MAL2: variants seen among roughly 807,000 people sequenced by gnomAD.
MAL2 encodes the protein mal, T cell differentiation protein 2.
A neutral mutation model predicts 18.1 loss-of-function variants in MAL2; 17 were observed. That is an observed-to-expected ratio of 0.94 (90% CI 0.64 to 1.41). MAL2 has a LOEUF of 1.41. MAL2 is among the 40% of genes most tolerant of loss of function. MAL2 has a pLI of 0.00. For synonymous variants in MAL2, 102 were observed against 102.3 expected (o/e 1.00, Z 0.02); for missense variants, 222 against 231.9 (o/e 0.96, Z 0.28).
intron 1 of MAL2, among the ~76,000 whole-genome samples, chr8:119,214,048 T>C (rs1817306397): frequency 6.6e-6 from 1 of 152,178 alleles, no homozygotes; most frequent in Non-Finnish European, 1.5e-5. Context: ...TAGAGCCTGA[T>C]AGAAATGTTG....
At chr8:119,219,317 A>T (rs1004962876) in intron 1 of MAL2, among the ~76,000 whole-genome samples, 1 of 152,176 alleles carries the variant, frequency 6.6e-6, no homozygotes, top group Non-Finnish European at 1.5e-5. Flanking sequence ...AAATTATATG[A>T]TTGGGCCTTT....
At chr8:119,222,570 A>G (rs563536083) in intron 2 of MAL2, among the ~76,000 whole-genome samples, 7 of 151,812 alleles carry the variant, frequency 4.6e-5, no homozygotes, top group Non-Finnish European at 7.4e-5. Context: ...GCTCATGCCT[A>G]TAGTCCCAGG....
chr8:119,211,493 G>T lies in MAL2; in HGVS notation c.132+2889G>T, dbSNP rs574221242. On this transcript the variant is annotated intron_variant, in intron 1 of 3. Coordinates refer to ENST00000614891, the MANE Select transcript of MAL2 (RefSeq NM_052886.3). ...ATTGACACCATGCTCTTGGAGTTTG[G>T]TTCTCACACTAACCATTTAACTTGG... 1.4e-4 allele frequency among the ~76,000 whole-genome samples: 21 copies of T among 152,208 alleles called. No individual in the cohort carries two copies. In the East Asian group the frequency reaches 4.1e-3, roughly 29 times the overall value.
chr8:119,228,192 G>T (rs1304876001), intron 2 of MAL2, among the ~76,000 whole-genome samples: 1 of 152,066 alleles, frequency 6.6e-6, no homozygotes, highest in Non-Finnish European at 1.5e-5. Flanking sequence ...TGTCAAGATG[G>T]TAACTCCTCT....
In MAL2 at chr8:119,208,705, C is replaced by T. The variant is rs767447983; in HGVS notation, c.132+101C>T. 5.7e-5 allele frequency: 69 copies of T among 1,211,614 alleles called. No individual in the cohort carries two copies. Among genetic ancestry groups the T allele is most frequent in the Non-Finnish European group, 6.8e-5 (66 of 974,140 alleles). The allele number at this position is 1,211,614 out of a possible 1,614,324, so 75.1% of individuals were successfully genotyped here. ...TTCCTCTGCGTCCGCCCCCGGCCTC[C>T]TTCCCTTCGACGTGGCTTTGTCCTG... On this transcript the variant is annotated intron_variant, in intron 1 of 3. Coordinates refer to ENST00000614891, the MANE Select transcript of MAL2 (RefSeq NM_052886.3). The surrounding 1 kb of genome is among the most constrained non-coding windows in gnomAD (Gnocchi z 4.3).
At chr8:119,209,944 G>A (rs898739036) in intron 1 of MAL2, among the ~76,000 whole-genome samples, 2 of 152,028 alleles carry the variant, frequency 1.3e-5, no homozygotes, top group African/African-American at 4.8e-5. Context: ...CCTTGCTGTG[G>A]GAGGGAGACA....
At position 119,208,678 on chromosome 8, in the gene MAL2, T is replaced by C. The variant is rs867858762; in HGVS notation, c.132+74T>C. ...GGCGGCATCCTTGTCCCCCGGGCTG[T>C]CTTCCTCTGCGTCCGCCCCCGGCCT... On this transcript the variant is annotated intron_variant, in intron 1 of 3. Coordinates refer to ENST00000614891, the MANE Select transcript of MAL2 (RefSeq NM_052886.3). This position sits in a 1 kb window ranked among gnomAD's most constrained non-coding sequence, Gnocchi z 4.3. The C allele has an allele frequency of 1.8e-4, 222 of 1,226,286 alleles. No individual in the cohort carries two copies. In the Middle Eastern group the frequency reaches 3.6e-3, roughly 20 times the overall value. The allele number at this position is 1,226,286 out of a possible 1,614,324, so 76.0% of individuals were successfully genotyped here.
chr8:119,219,584 AGATT>A (rs1341444702), intron 1 of MAL2, among the ~76,000 whole-genome samples: 1 of 149,524 alleles, frequency 6.7e-6, no homozygotes, highest in Non-Finnish European at 1.5e-5. Flanking sequence ...AGAGAGAGAG[AGATT>A]GATTCTCACT....
At chr8:119,242,264 C>T (rs935371711) in intron 3 of MAL2, among the ~76,000 whole-genome samples, 4 of 152,070 alleles carry the variant, frequency 2.6e-5, no homozygotes, top group African/African-American at 7.2e-5. Context: ...CCTAGTTTTC[C>T]GTGTTCTCCA....
At chr8:119,240,392 C>T (rs1818024101) in intron 3 of MAL2, 72 bp downstream of exon 3, 1 of 1,481,444 alleles carries the variant, frequency 6.8e-7, no homozygotes, top group Non-Finnish European at 9.2e-7. Flanking sequence ...CAAGAAACTC[C>T]TCAGGCAACA....
chr8:119,239,189 G>A lies in MAL2; in HGVS notation c.304-976G>A, dbSNP rs1427303801. ...ACATGAAAAAATGCTCACCATCACT[G>A]ACCATCAGAGAAATGCAAATCAAAA... On this transcript the variant is annotated intron_variant, in intron 2 of 3. Coordinates refer to ENST00000614891, the MANE Select transcript of MAL2 (RefSeq NM_052886.3). Among the ~76,000 whole-genome samples, 216 of 152,286 alleles carry A rather than the reference G, an allele frequency of 1.4e-3. 1 individual carries two copies. Among genetic ancestry groups the A allele is most frequent in the African/African-American group, 5.0e-3 (208 of 41,550 alleles).
chr8:119,238,240 G>T (rs547137970), intron 2 of MAL2, among the ~76,000 whole-genome samples: 259 of 152,030 alleles, frequency 1.7e-3, no homozygotes, highest in Middle Eastern at 6.8e-3. Flanking sequence ...GGACATGAAG[G>T]ACCTCTTCAA....
At chr8:119,237,740 C>T (rs570764755) in intron 2 of MAL2, among the ~76,000 whole-genome samples, 1 of 151,636 alleles carries the variant, frequency 6.6e-6, no homozygotes, top group Non-Finnish European at 1.5e-5. Flanking sequence ...ATTCAACAAC[C>T]CTTCATGCTA....
At chr8:119,219,448 A>G (rs1171124432) in intron 1 of MAL2, among the ~76,000 whole-genome samples, 2 of 152,248 alleles carry the variant, frequency 1.3e-5, no homozygotes, top group East Asian at 3.9e-4. Context: ...TTGGAGCTCC[A>G]ACTGTTCTCA....
At position 119,243,404 on chromosome 8, in the gene MAL2, T is replaced by G. The variant is rs773664985; in HGVS notation, c.460-13T>G. ...TGTAAATCTGATGTGAATTTTTGTT[T>G]CTTTTTTCTTAGATTTTTGCCTTTA... On this transcript the variant is annotated splice_polypyrimidine_tract_variant and intron_variant, in intron 3 of 3. Transcript: ENST00000614891. 2 of 1,572,196 alleles carry G rather than the reference T, an allele frequency of 1.3e-6. No individual in the cohort carries two copies. Among genetic ancestry groups the G allele is most frequent in the Non-Finnish European group, 1.7e-6 (2 of 1,156,516 alleles).
intron 1 of MAL2, among the ~76,000 whole-genome samples, chr8:119,209,642 A>C (rs1161180103): frequency 6.6e-6 from 1 of 152,156 alleles, no homozygotes; most frequent in Non-Finnish European, 1.5e-5. Context: ...TTGAGCTTGC[A>C]TAACCTTTAT....
intron 2 of MAL2, among the ~76,000 whole-genome samples, chr8:119,231,892 ATGG>A (rs1817737675): frequency 6.6e-6 from 1 of 151,350 alleles, no homozygotes; most frequent in Non-Finnish European, 1.5e-5. Context: ...AGAGAATAGA[ATGG>A]TGATTACCAG....
intron 2 of MAL2, among the ~76,000 whole-genome samples, chr8:119,226,405 C>T (rs558743104): frequency 2.4e-3 from 357 of 149,766 alleles, no homozygotes; most frequent in Non-Finnish European, 4.2e-3. Flanking sequence ...AATCCTTTCC[C>T]CCCCTTTTTT....
At chr8:119,233,919 A>G (rs1817799556) in intron 2 of MAL2, among the ~76,000 whole-genome samples, 1 of 152,180 alleles carries the variant, frequency 6.6e-6, no homozygotes, top group Admixed American at 6.5e-5. Flanking sequence ...TTGATGCAAA[A>G]ATCCTCAATA....
Sources: allele counts gnomAD v4.1 joint callset (sites outside exome capture counted in the v4.1 genomes callset), GRCh38; gene constraint gnomAD v4.1.1; non-coding constraint Gnocchi (gnomAD v3.1); transcripts MANE v1.5; gene names NCBI Gene and HGNC (gene_info 2026-07-23, HGNC 2026-07-21).